Variants in ALG13 observed in about 807,000 individuals in gnomAD.
ALG13 encodes ALG13 UDP-N-acetylglucosaminyltransferase subunit, also known as UDP-N-acetylglucosamine transferase subunit ALG13.
A neutral mutation model predicts 87.8 loss-of-function variants in ALG13; 11 were observed. That is an observed-to-expected ratio of 0.13 (90% confidence interval 0.08 to 0.21). The LOEUF is 0.21. Among genes scored for constraint, ALG13 ranks in the 10% least tolerant of loss-of-function variants. ALG13 has a pLI of 1.00. For missense variants in ALG13, 756 were observed against 866.1 expected, an observed-to-expected ratio of 0.87 and a Z score of 1.60; for synonymous variants, 320 against 306.3, an observed-to-expected ratio of 1.04 and a Z score of -0.47.
chrX:111,725,218 C>T (rs1441360792), intron 15 of ALG13, among the ~76,000 whole-genome samples, 157 bp downstream of exon 15: 1 of 111,893 alleles, frequency 8.9e-6, no homozygotes, highest in Non-Finnish European at 1.9e-5. Flanking sequence ...TACTACTTCA[C>T]TGTCGGGGGT....
chrX:111,746,465 A>G (rs1043941880), intron 24 of ALG13, among the ~76,000 whole-genome samples: 1 of 111,815 alleles, frequency 8.9e-6, no homozygotes, highest in Non-Finnish European at 1.9e-5. Flanking sequence ...ACTTGGCATA[A>G]TTTTGAGATT....
intron 6 of ALG13, among the ~76,000 whole-genome samples, 168 bp from the exon 7 acceptor site, chrX:111,712,316 G>A (rs1939906574): frequency 9.0e-6 from 1 of 111,324 alleles, no homozygotes; most frequent in Non-Finnish European, 1.9e-5. Context: ...ATAAGTTTAT[G>A]TTAATAAGTA....
chrX:111,717,554 T>A (rs1368170864), intron 8 of ALG13, among the ~76,000 whole-genome samples: 2 of 108,224 alleles, frequency 1.8e-5, no homozygotes, highest in Non-Finnish European at 3.8e-5. Flanking sequence ...TTTTTTTTTT[T>A]TTTTTTAGCA....
chrX:111,690,115 C>T (rs1160529489), intron 3 of ALG13: 1 of 748,285 alleles, frequency 1.3e-6, no homozygotes, highest in South Asian at 6.9e-5. Flanking sequence ...AGGAAACATG[C>T]TAAATTAATC....
At chrX:111,690,723 G>A (rs920039488) in intron 3 of ALG13, among the ~76,000 whole-genome samples, 12 of 110,642 alleles carry the variant, frequency 1.1e-4, no homozygotes, top group African/African-American at 4.0e-4. Context: ...CAAAGTGCTG[G>A]TTTTACAGGC....
chrX:111,739,621 A>G (rs2148357975), intron 23 of ALG13, among the ~76,000 whole-genome samples: 1 of 112,375 alleles, frequency 8.9e-6, no homozygotes, highest in Admixed American at 9.4e-5. Context: ...AACATTTAAG[A>G]TACTCAAGGA....
At chrX:111,730,806 A>G (rs193289009) in intron 21 of ALG13, among the ~76,000 whole-genome samples, 1 of 112,066 alleles carries the variant, frequency 8.9e-6, no homozygotes, top group African/African-American at 3.2e-5. Context: ...TTTTATTATG[A>G]TTTTTTTATT....
chrX:111,745,747 T>G (rs2148413419), intron 24 of ALG13, among the ~76,000 whole-genome samples: 1 of 111,255 alleles, frequency 9.0e-6, no homozygotes, highest in African/African-American at 3.3e-5. Flanking sequence ...TTCCTCATAT[T>G]TATCTTTTCC....
chrX:111,747,787 A>C (rs1944377705), intron 24 of ALG13, among the ~76,000 whole-genome samples: 1 of 112,109 alleles, frequency 8.9e-6, no homozygotes, highest in African/African-American at 3.2e-5. Flanking sequence ...GCCCTGTGGA[A>C]ATATATTTTT....
chrX:111,717,156 A>G (rs1214582199), intron 8 of ALG13, among the ~76,000 whole-genome samples: 1 of 111,040 alleles, frequency 9.0e-6, no homozygotes. Flanking sequence ...TTATATAAAC[A>G]AATTTCATCA....
chrX:111,759,759 A>G lies in ALG13; in HGVS notation c.3174A>G (p.Ser1058=), dbSNP rs369901028. The G allele has an allele frequency of 3.2e-5, 38 of 1,205,907 alleles. No homozygotes were observed. The highest frequency in any genetic ancestry group is 1.1e-4 in the Admixed American group (5 of 45,308). ...ANDTFPNADS[S]SVPHGAVYYP... Reference sequence around the variant, plus strand: ...ATACTTTTCCGAATGCTGATTCTTCATCTGTCCCTCATGGAGCAGTCTATT... The same window carrying G: ...ATACTTTTCCGAATGCTGATTCTTCGTCTGTCCCTCATGGAGCAGTCTATT... Residue 1058 remains serine, a synonymous_variant, in exon 27 of 27, where the codon TCA becomes TCG. Transcript: ENST00000394780.
At chrX:111,743,227 G>A (rs752131545) in intron 23 of ALG13, among the ~76,000 whole-genome samples, 2 of 111,103 alleles carry the variant, frequency 1.8e-5, no homozygotes, top group Admixed American at 9.6e-5. Flanking sequence ...GGCATGATAC[G>A]TTTTCAGTGC....
At chrX:111,753,327 A>G (rs760994422) in intron 25 of ALG13, among the ~76,000 whole-genome samples, 112 of 112,115 alleles carry the variant, frequency 1.0e-3, no homozygotes, top group Non-Finnish European at 1.8e-3. Context: ...TTATAGCACT[A>G]AATACCCACA....
chrX:111,684,089 G>A (rs1934287235), intron 2 of ALG13, among the ~76,000 whole-genome samples: 1 of 111,940 alleles, frequency 8.9e-6, no homozygotes. Flanking sequence ...AGTAGAAACC[G>A]CTCTTCGAGT....
Position 111,750,387 on chromosome X carries a change from G to A in ALG13, c.2933-2403G>A, listed in dbSNP as rs910810545. Among the ~76,000 whole-genome samples the A allele has an allele frequency of 3.6e-5, 4 of 111,714 alleles. No individual in the cohort carries two copies. In the Admixed American group the frequency reaches 3.8e-4, roughly 11 times the overall value. ...ATTTTCAAGGTTCATGTTGTTGCAT[G>A]TATCAGTACTTTATTCTTTTTTATG... On this transcript the variant is annotated intron_variant, in intron 24 of 26. Transcript: ENST00000394780.
At position 111,727,625 on chromosome X, in the gene ALG13, G is replaced by C. The variant is rs780760081; in HGVS notation, c.2102G>C (p.Arg701Pro). The change falls in exon 18 of 27, where the codon CGT becomes CCT. Residue 701 changes from arginine to proline, a missense_variant. Arg to Pro is a moderately radical substitution (Grantham distance 103). Coordinates refer to ENST00000394780, the MANE Select transcript of ALG13 (RefSeq NM_001099922.3). ...TTGAACCACTTAAGTTCATTTAGAC[G>C]TAGTCACCGCCAGATGAGTTGTGTG... The part of the protein sequence containing the change: ...NFSYRSRSFR[R>P]SHRQMSCVNK... The C allele has an allele frequency of 8.3e-7, 1 of 1,203,265 alleles. No individual in the cohort carries two copies. Among genetic ancestry groups the C allele is most frequent in the East Asian group, 3.0e-5 (1 of 33,730 alleles).
intron 8 of ALG13, among the ~76,000 whole-genome samples, chrX:111,716,723 A>G (rs1042323637): frequency 5.4e-5 from 6 of 111,996 alleles, no homozygotes; most frequent in African/African-American, 1.6e-4. Context: ...CTGGGATCAA[A>G]TAACTGGATT....
chrX:111,727,206 C>T, intron 16 of ALG13, 126 bp from the exon 17 acceptor site: 1 of 878,754 alleles, frequency 1.1e-6, no homozygotes, highest in Non-Finnish European at 1.6e-6. Flanking sequence ...GCCAGTATTG[C>T]AGAGAGCAGA....
Position 111,682,266 on chromosome X carries a change from G to T in ALG13, c.216G>T (p.Gln72His). 1.7e-6 allele frequency: 2 copies of T among 1,193,086 alleles called. No individual in the cohort carries two copies. The highest frequency in any genetic ancestry group is 4.8e-4 in the Middle Eastern group (2 of 4,210). The change falls in exon 2 of 27, where the codon CAG (glutamine) becomes CAT (histidine). Residue 72 changes from glutamine to histidine, a missense_variant. Physicochemically the swap from Gln to His is conservative, Grantham distance 24. Around this residue, in one of 9 missense-constraint regions of ALG13, gnomAD observed 153 missense variants for 168.7 expected, o/e 0.91. Coordinates refer to ENST00000394780, the MANE Select transcript of ALG13 (RefSeq NM_001099922.3). ...AGGATTCCTTGAAAGAAGACATTCA[G>T]AAAGCAGATCTTGTTATTAGTCACG... ...RYKDSLKEDIQKADLVISHAG... is the reference protein window; with the variant it reads ...RYKDSLKEDIHKADLVISHAG...
Sources: allele counts gnomAD v4.1 joint callset (sites outside exome capture counted in the v4.1 genomes callset), GRCh38; gene constraint gnomAD v4.1.1; regional missense constraint gnomAD v4.1.1; transcripts MANE v1.5; gene names NCBI Gene and HGNC (gene_info 2026-07-23, HGNC 2026-07-21).